GLIS3: variants seen among roughly 807,000 people sequenced by gnomAD.
GLIS3 encodes GLIS family zinc finger 3.
Under a neutral mutation model 78.6 loss-of-function variants are expected in GLIS3, and 53 were observed. The observed-to-expected ratio is 0.67, with a 90% CI of 0.54 to 0.85. GLIS3 has a LOEUF of 0.85. Ranked by LOEUF, GLIS3 falls within the 40% of genes least tolerant of loss-of-function variation. GLIS3 has a pLI of 0.00. For synonymous variants in GLIS3, 684 were observed against 509.9 expected, an observed-to-expected ratio of 1.34 and a Z score of -4.60; for missense variants, 1,703 against 1,231.1, an observed-to-expected ratio of 1.38 and a Z score of -5.74.
chr9:4,375,547 T>C, the GLIS3 span, among the ~76,000 whole-genome samples: 3 of 152,194 alleles, frequency 2.0e-5, no homozygotes, highest in Non-Finnish European at 4.4e-5. Flanking sequence ...AATGGTACCA[T>C]CTTGTGGCTA....
At chr9:4,129,415 G>A (rs920594588) in intron 2 of GLIS3, among the ~76,000 whole-genome samples, 1 of 152,144 alleles carries the variant, frequency 6.6e-6, no homozygotes, top group Non-Finnish European at 1.5e-5. Context: ...TTTTGGAGGT[G>A]GGGCCCAGTA....
chr9:4,216,408 AG>A (rs1820844267), intron 2 of GLIS3, among the ~76,000 whole-genome samples: 1 of 139,398 alleles, frequency 7.2e-6, no homozygotes, highest in Admixed American at 7.1e-5. Flanking sequence ...GCAGTGAGAA[AG>A]GCGGAGCTTG....
chr9:4,079,287 A>C (rs1828344813), intron 4 of GLIS3, among the ~76,000 whole-genome samples: 1 of 152,184 alleles, frequency 6.6e-6, no homozygotes, highest in African/African-American at 2.4e-5. Flanking sequence ...CCTCTTTGCA[A>C]ATTAAAAGAT....
chr9:4,117,975 G>A lies in GLIS3; in HGVS notation c.1503C>T (p.Cys501=), dbSNP rs755620397. The change falls in exon 4 of 11, where the codon TGC becomes TGT. Residue 501 remains cysteine, a synonymous_variant. Transcript: ENST00000381971. Reference sequence around the variant, plus strand: ...GGGCGCTGCAGTCGATCCAGCGGCAGCAATGCTTGCCCCCGATGCCGTCCA... The same window carrying A: ...GGGCGCTGCAGTCGATCCAGCGGCAACAATGCTTGCCCCCGATGCCGTCCA... ...GEMDGIGGKH[C]CRWIDCSALY... 2 of 1,613,388 alleles carry A rather than the reference G, an allele frequency of 1.2e-6. No individual in the cohort carries two copies. Among genetic ancestry groups the A allele is most frequent in the South Asian group, 1.1e-5 (1 of 91,070 alleles).
chr9:3,840,147 T>A (rs1818625128), intron 9 of GLIS3, among the ~76,000 whole-genome samples: 1 of 152,240 alleles, frequency 6.6e-6, no homozygotes, highest in Non-Finnish European at 1.5e-5. Context: ...TTTGGTGCAT[T>A]CTCTGGCACA....
intron 4 of GLIS3, among the ~76,000 whole-genome samples, chr9:4,004,593 T>A (rs1404659533): frequency 1.3e-5 from 2 of 152,100 alleles, no homozygotes; most frequent in African/African-American, 4.8e-5. Flanking sequence ...TTTGGAGAAG[T>A]TTGGCATCAC....
At chr9:4,302,327 G>T (rs990291554), upstream of GLIS3, among the ~76,000 whole-genome samples, 2 of 152,180 alleles carry the variant, frequency 1.3e-5, no homozygotes, top group African/African-American at 4.8e-5. Flanking sequence ...TGTTGTATGT[G>T]CCTCAACCGC....
At chr9:3,869,248 T>A (rs1485941562) in intron 8 of GLIS3, among the ~76,000 whole-genome samples, 2 of 127,228 alleles carry the variant, frequency 1.6e-5, no homozygotes, top group Non-Finnish European at 3.3e-5. Context: ...TTAAAGAGAG[T>A]GAGAAAAAAT....
chr9:4,358,186 G>C, the GLIS3 span, among the ~76,000 whole-genome samples: 1 of 152,130 alleles, frequency 6.6e-6, no homozygotes, highest in Non-Finnish European at 1.5e-5. Context: ...TTTCCAGAAG[G>C]CTGCATAAAC....
At chr9:4,387,077 A>G in the GLIS3 span, among the ~76,000 whole-genome samples, 1 of 152,314 alleles carries the variant, frequency 6.6e-6, no homozygotes, top group Non-Finnish European at 1.5e-5. Flanking sequence ...AGGCAACAGG[A>G]AATGAATTTG....
chr9:4,261,834 A>G (rs190254349), intron 2 of GLIS3, among the ~76,000 whole-genome samples: 17 of 152,332 alleles, frequency 1.1e-4, no homozygotes, highest in Admixed American at 2.6e-4. Context: ...ATCTCAAAAA[A>G]ACATACTCTT....
chr9:4,095,344 G>A (rs1829856082), intron 4 of GLIS3, among the ~76,000 whole-genome samples: 1 of 152,172 alleles, frequency 6.6e-6, no homozygotes, highest in South Asian at 2.1e-4. Flanking sequence ...AGGAGAGATA[G>A]TAATGAAGGG....
intron 2 of GLIS3, among the ~76,000 whole-genome samples, chr9:4,337,867 C>T (rs1423224500): frequency 3.3e-5 from 5 of 152,028 alleles, no homozygotes; most frequent in Non-Finnish European, 5.9e-5. Flanking sequence ...GCAACTATTA[C>T]CCCCATTTGA....
the GLIS3 span, among the ~76,000 whole-genome samples, chr9:4,398,267 T>C: frequency 6.6e-6 from 1 of 152,062 alleles, no homozygotes; most frequent in African/African-American, 2.4e-5. Flanking sequence ...GTGGTTATTT[T>C]CTACATCCTT....
chr9:4,238,675 TTCTG>T (rs980646810), intron 2 of GLIS3, among the ~76,000 whole-genome samples: 1 of 152,168 alleles, frequency 6.6e-6, no homozygotes, highest in Non-Finnish European at 1.5e-5. Context: ...TGAGCACATG[TTCTG>T]TCTGTGTGTC....
chr9:4,136,140 G>A (rs1264271887), intron 2 of GLIS3, among the ~76,000 whole-genome samples: 2 of 152,144 alleles, frequency 1.3e-5, no homozygotes, highest in African/African-American at 4.8e-5. Flanking sequence ...CCTATGGAAG[G>A]TAAGGAATGC....
chr9:4,374,244 G>T, the GLIS3 span, among the ~76,000 whole-genome samples: 457 of 152,264 alleles, frequency 3.0e-3, 1 homozygote, highest in African/African-American at 0.01. Flanking sequence ...AAATGAATTA[G>T]AACAACTCCC....
chr9:3,993,142 TG>T (rs1333441046), intron 4 of GLIS3, among the ~76,000 whole-genome samples: 8 of 152,172 alleles, frequency 5.3e-5, no homozygotes, highest in Admixed American at 5.2e-4. Context: ...TCAAGATTCA[TG>T]GCCAGTCAAC....
intron 4 of GLIS3, among the ~76,000 whole-genome samples, chr9:3,952,245 G>A (rs1360459748): frequency 6.6e-6 from 1 of 152,066 alleles, no homozygotes; most frequent in Non-Finnish European, 1.5e-5. Flanking sequence ...GGGGGAAAAA[G>A]GTTAGTTCAC....
Sources: allele counts gnomAD v4.1 joint callset (sites outside exome capture counted in the v4.1 genomes callset), GRCh38; gene constraint gnomAD v4.1.1; transcripts MANE v1.5; gene names NCBI Gene and HGNC (gene_info 2026-07-23, HGNC 2026-07-21).